The following ADAM18 variants were observed in gnomAD, a reference collection of about 807,000 sequenced individuals.
The protein encoded by ADAM18 is ADAM metallopeptidase domain 18, also known as disintegrin and metalloproteinase domain-containing protein 18.
A neutral mutation model predicts 94.4 loss-of-function variants in ADAM18; 117 were observed. That is an observed-to-expected ratio of 1.24 (90% CI 1.07 to 1.45). The LOEUF (loss-of-function observed/expected upper bound fraction) is 1.45. Ranked by LOEUF, ADAM18 falls within the 40% of genes most tolerant of loss-of-function variation. ADAM18 has a pLI of 0.00. For synonymous variants in ADAM18, 327 were observed against 291.6 expected (o/e 1.12, Z -1.24); for missense variants, 936 against 880.0 (o/e 1.06, Z -0.81).
intron 6 of ADAM18, among the ~76,000 whole-genome samples, chr8:39,613,325 A>G (rs1819336351): frequency 6.6e-6 from 1 of 152,206 alleles, no homozygotes; most frequent in South Asian, 2.1e-4. Flanking sequence ...CATGGGCCTG[A>G]TTTCAGCCCC....
intron 18 of ADAM18, among the ~76,000 whole-genome samples, chr8:39,707,461 T>G (rs1822271212): frequency 6.6e-6 from 1 of 152,214 alleles, no homozygotes; most frequent in African/African-American, 2.4e-5. Flanking sequence ...TGTCTTCTAC[T>G]TACAAATTTA....
chr8:39,683,053 A>G lies in ADAM18; in HGVS notation c.1821+2827A>G, dbSNP rs1011787458. On this transcript the variant is annotated intron_variant, in intron 16 of 19. Transcript: ENST00000265707. ...CGTGCTTCTAACAAATAGAGTATGG[A>G]AAAAATGATGGAATATAACTTGCAA... Among the ~76,000 whole-genome samples the G allele has an allele frequency of 2.6e-5, 4 of 152,312 alleles. No homozygotes were observed. In the East Asian group the frequency reaches 7.7e-4, roughly 29 times the overall value.
chr8:39,603,781 A>C (rs1046786278), intron 2 of ADAM18, among the ~76,000 whole-genome samples: 1 of 152,130 alleles, frequency 6.6e-6, no homozygotes, highest in African/African-American at 2.4e-5. Context: ...AACTATTAAT[A>C]TTTCTTTCAC....
At chr8:39,610,012 G>C (rs1819217904) in intron 5 of ADAM18, among the ~76,000 whole-genome samples, 1 of 152,046 alleles carries the variant, frequency 6.6e-6, no homozygotes, top group South Asian at 2.1e-4. Context: ...TCTCACTTAT[G>C]ATAAGTTCAT....
At chr8:39,642,100 T>A (rs190369930) in intron 10 of ADAM18, among the ~76,000 whole-genome samples, 22 of 152,164 alleles carry the variant, frequency 1.4e-4, no homozygotes, top group African/African-American at 5.1e-4. Context: ...CCAATTTTTA[T>A]GGAGTTGTTA....
Position 39,637,593 on chromosome 8 carries a change from T to A in ADAM18, c.717T>A (p.Asn239Lys). 6.2e-7 allele frequency: 1 copy of A among 1,612,886 alleles called. No individual in the cohort carries two copies. The highest frequency in any genetic ancestry group is 2.2e-5 in the East Asian group (1 of 44,776). The change falls in exon 9 of 20, where the codon AAT becomes AAA. Residue 239 changes from asparagine (N) to lysine (K), a missense_variant. Transcript: ENST00000265707. ...TGTCTTCCTTGGAATTGTGGTCAAA[T>A]GAAAACCAGATTTCCACCAGTGGGG... ...VILSSLELWS[N>K]ENQISTSGDA...
In ADAM18 at chr8:39,729,873, T is replaced by G. The variant is rs527238732; in HGVS notation, c.2178-25T>G. The G allele has an allele frequency of 4.1e-5, 66 of 1,605,516 alleles. No homozygotes were observed. In the South Asian group the frequency reaches 6.7e-4, roughly 16 times the overall value. ...CTACTAAACATATTGTGAATTTCTATTTTTTCTGTTTTTCTTCACTATAGT... is the reference window on the plus strand; with the variant it reads ...CTACTAAACATATTGTGAATTTCTAGTTTTTCTGTTTTTCTTCACTATAGT... On this transcript the variant is annotated intron_variant, in intron 19 of 19. Transcript: ENST00000265707.
At chr8:39,670,889 C>T (rs534019077) in intron 14 of ADAM18, among the ~76,000 whole-genome samples, 16 of 152,316 alleles carry the variant, frequency 1.1e-4, no homozygotes, top group Admixed American at 2.0e-4. Context: ...GCAATGATTA[C>T]GTGAGGTGGG....
intron 10 of ADAM18, among the ~76,000 whole-genome samples, chr8:39,639,375 T>A (rs2129579352): frequency 6.6e-6 from 1 of 152,160 alleles, no homozygotes; most frequent in East Asian, 1.9e-4. Flanking sequence ...TTCCCTGCTC[T>A]ATTTTGCTCA....
intron 6 of ADAM18, among the ~76,000 whole-genome samples, chr8:39,623,882 T>G (rs557295109): frequency 6.6e-6 from 1 of 152,298 alleles, no homozygotes; most frequent in East Asian, 1.9e-4. Flanking sequence ...CATTATAGTT[T>G]TAATTTGCAT....
chr8:39,692,295 C>G (rs956497606), intron 16 of ADAM18, among the ~76,000 whole-genome samples: 1 of 151,674 alleles, frequency 6.6e-6, no homozygotes, highest in Non-Finnish European at 1.5e-5. Context: ...AAAACTCATA[C>G]GATGAGTGTC....
rs558214214 is a variant in ADAM18, at chr8:39,725,822, G to A, written c.2177+1915G>A. On this transcript the variant is annotated intron_variant, in intron 19 of 19. Transcript: ENST00000265707. ...AATGCTACAATGAACATGGAAGTGC[G>A]GATATCTCTTCAAGGTCCTGATTTC... Among the ~76,000 whole-genome samples the A allele has an allele frequency of 5.9e-5, 9 of 152,114 alleles. No individual in the cohort carries two copies. In the South Asian group the frequency reaches 8.3e-4, roughly 14 times the overall value.
intron 2 of ADAM18, among the ~76,000 whole-genome samples, chr8:39,605,435 T>G (rs2129578307): frequency 6.6e-6 from 1 of 152,316 alleles, no homozygotes; most frequent in African/African-American, 2.4e-5. Flanking sequence ...CTTGTCTGCT[T>G]TCAGTCTCTT....
Position 39,645,365 on chromosome 8 carries a change from T to A in ADAM18, c.937T>A (p.Phe313Ile). Residue 313 changes from phenylalanine to isoleucine, a missense_variant, in exon 11 of 20, where the codon TTT becomes ATT. Phe to Ile is a conservative substitution (Grantham distance 21). Coordinates refer to ENST00000265707, the MANE Select transcript of ADAM18 (RefSeq NM_014237.3). ...MYPDAIGLEG[F>I]SVIIAQLLGL... ...TCCAGATGCAATAGGTTTGGAGGGA[T>A]TTTCGGTTATTATAGCTCAACTGCT... is the stretch of plus-strand genomic sequence containing the variant. The A allele has an allele frequency of 6.2e-7, 1 of 1,612,052 alleles. No homozygotes were observed. Among genetic ancestry groups the A allele is most frequent in the Non-Finnish European group, 8.5e-7 (1 of 1,179,002 alleles).
At chr8:39,600,847 G>T (rs1818881260) in intron 2 of ADAM18, among the ~76,000 whole-genome samples, 1 of 152,226 alleles carries the variant, frequency 6.6e-6, no homozygotes, top group African/African-American at 2.4e-5. Flanking sequence ...GAAGTTACAT[G>T]ATGAAGTGGC....
chr8:39,590,803 A>G (rs1818550162), intron 2 of ADAM18, among the ~76,000 whole-genome samples: 1 of 152,184 alleles, frequency 6.6e-6, no homozygotes, highest in South Asian at 2.1e-4. Context: ...CTCGATTCAG[A>G]AATAGAACAT....
At chr8:39,603,730 A>G (rs964097600) in intron 2 of ADAM18, among the ~76,000 whole-genome samples, 16 of 152,256 alleles carry the variant, frequency 1.1e-4, no homozygotes, top group Admixed American at 1.3e-4. Context: ...AGCACATTAA[A>G]TGATAATACT....
chr8:39,638,326 TA>T (rs1820141943), intron 9 of ADAM18, 138 bp from the exon 10 acceptor site: 1 of 485,688 alleles, frequency 2.1e-6, no homozygotes, highest in African/African-American at 2.1e-5. Context: ...TTGTAATGTT[TA>T]TTAGATATTA....
chr8:39,708,217 G>A (rs558719846), intron 18 of ADAM18, among the ~76,000 whole-genome samples: 1 of 152,284 alleles, frequency 6.6e-6, no homozygotes, highest in East Asian at 1.9e-4. Flanking sequence ...AACCAAAACT[G>A]TAGATAAGGG....
Sources: gnomAD v4.1 joint callset for allele counts (sites outside exome capture counted in the v4.1 genomes callset) on GRCh38, gnomAD v4.1.1 for gene constraint, MANE v1.5 for transcripts, NCBI Gene and HGNC (gene_info 2026-07-23, HGNC 2026-07-21) for gene names.